ORC5: variants seen among roughly 807,000 people sequenced by gnomAD.
ORC5 encodes protein phosphatase 1, regulatory subunit 117.
ORC5 carries 39 observed loss-of-function variants against 58.8 expected under a neutral mutation model. The observed-to-expected ratio is 0.66, with a 90% CI of 0.51 to 0.87. The LOEUF (loss-of-function observed/expected upper bound fraction) is 0.87, where lower values mean the gene tolerates loss of function less well. ORC5 is among the 40% of genes least tolerant of loss of function. ORC5 has a pLI of 0.00. For missense variants in ORC5, 493 were observed against 506.3 expected (o/e 0.97, Z 0.25); for synonymous variants, 218 against 177.6 (o/e 1.23, Z -1.81).
At chr7:104,140,779 A>T (rs888628858) in intron 12 of ORC5, among the ~76,000 whole-genome samples, 1 of 152,192 alleles carries the variant, frequency 6.6e-6, no homozygotes, top group Non-Finnish European at 1.5e-5. Context: ...CCCCAGGCAA[A>T]TGAGGTAGGG....
At chr7:104,177,384 T>C (rs372794427) in intron 8 of ORC5, among the ~76,000 whole-genome samples, 1 of 152,144 alleles carries the variant, frequency 6.6e-6, no homozygotes, top group Non-Finnish European at 1.5e-5. Context: ...TATAAACATA[T>C]TTATAAAATT....
chr7:104,160,557 T>G (rs909758363), intron 12 of ORC5, among the ~76,000 whole-genome samples: 1 of 151,900 alleles, frequency 6.6e-6, no homozygotes, highest in African/African-American at 2.4e-5. Context: ...TAACTACTTG[T>G]TTTTTTTAAA....
At chr7:104,144,778 A>G (rs889981410) in intron 12 of ORC5, among the ~76,000 whole-genome samples, 9 of 152,212 alleles carry the variant, frequency 5.9e-5, no homozygotes, top group Admixed American at 6.5e-5. Flanking sequence ...AATAATGAAC[A>G]GGATCATAAA....
At chr7:104,167,200 T>C (rs946476202) in intron 9 of ORC5, among the ~76,000 whole-genome samples, 4 of 152,172 alleles carry the variant, frequency 2.6e-5, no homozygotes, top group African/African-American at 4.8e-5. Context: ...GAGAAACTTA[T>C]TTCTACTATG....
chr7:104,142,788 T>C (rs1798693246), intron 12 of ORC5, among the ~76,000 whole-genome samples: 1 of 152,170 alleles, frequency 6.6e-6, no homozygotes, highest in East Asian at 1.9e-4. Context: ...GGCCCTGAGC[T>C]CGTATCTCTT....
At chr7:104,173,313 CCT>C (rs939623987) in intron 8 of ORC5, among the ~76,000 whole-genome samples, 1 of 152,312 alleles carries the variant, frequency 6.6e-6, no homozygotes, top group Admixed American at 6.5e-5. Context: ...AAAACCTTTG[CCT>C]CTCTTTACCT....
chr7:104,157,532 T>C (rs1177827361), intron 12 of ORC5, among the ~76,000 whole-genome samples: 3 of 152,068 alleles, frequency 2.0e-5, no homozygotes, highest in Admixed American at 6.6e-5. Flanking sequence ...CAGACAAAGA[T>C]ACATTTTGGG....
chr7:104,161,561 CA>C lies in ORC5; in HGVS notation c.1039-380del, dbSNP rs1205297398. On this transcript the variant is annotated intron_variant, in intron 11 of 13. Coordinates refer to ENST00000297431, the MANE Select transcript of ORC5 (RefSeq NM_002553.4). The stretch of plus-strand genomic sequence containing the variant: ...ATTTTTACAAATTATTTTGTAAAGA[CA>C]GGGTCTCACTATGTTGCCCAGACTG... 3.9e-5 allele frequency among the ~76,000 whole-genome samples: 6 copies of C among 152,072 alleles called. No individual in the cohort carries two copies. In the East Asian group the frequency reaches 9.7e-4, roughly 24 times the overall value.
intron 12 of ORC5, among the ~76,000 whole-genome samples, chr7:104,144,882 T>A (rs1024286179): frequency 6.6e-6 from 1 of 152,238 alleles, no homozygotes; most frequent in Non-Finnish European, 1.5e-5. Flanking sequence ...TAGTCTGATA[T>A]GGTCAGTGTG....
chr7:104,135,493 A>G (rs921730178), intron 13 of ORC5, among the ~76,000 whole-genome samples: 1 of 152,116 alleles, frequency 6.6e-6, no homozygotes, highest in African/African-American at 2.4e-5. Context: ...GGGTCTCACT[A>G]CGTTGCCCAG....
chr7:104,169,515 T>TA (rs34859463), intron 8 of ORC5, among the ~76,000 whole-genome samples: 12,325 of 151,144 alleles, frequency 0.082, 1,640 homozygotes, highest in African/African-American at 0.28. Context: ...AGTTTACTCA[T>TA]AAAAAAAAAT....
In ORC5 at chr7:104,200,862, C is replaced by T. The variant is rs779272644; in HGVS notation, c.262G>A (p.Asp88Asn). Residue 88 changes from aspartate (D) to asparagine (N), a missense_variant, in exon 3 of 14, where the codon GAT (aspartate) becomes AAT (asparagine). Physicochemically the swap from Asp to Asn is conservative, Grantham distance 23. Transcript: ENST00000297431. Reference protein sequence around the residue: ...NKLNHLSSSEDGCSTEITCET... With the variant: ...NKLNHLSSSENGCSTEITCET... The stretch of plus-strand genomic sequence containing the variant: ...CAGGTTATTTCAGTAGAACATCCAT[C>T]CTCTGAAGAACTAAGATGATTCAAT... 6.2e-7 allele frequency: 1 copy of T among 1,612,896 alleles called. No individual in the cohort carries two copies. The highest frequency in any genetic ancestry group is 1.3e-5 in the African/African-American group (1 of 74,882).
At chr7:104,193,331 C>G (rs2116039858) in intron 5 of ORC5, among the ~76,000 whole-genome samples, 1 of 152,124 alleles carries the variant, frequency 6.6e-6, no homozygotes, top group African/African-American at 2.4e-5. Flanking sequence ...AGGTAGGAAA[C>G]TGTAAGTCAC....
At chr7:104,142,659 T>C (rs974437195) in intron 12 of ORC5, among the ~76,000 whole-genome samples, 57 of 152,238 alleles carry the variant, frequency 3.7e-4, no homozygotes, top group African/African-American at 1.3e-3. Flanking sequence ...AAAGACAAAA[T>C]TGAGATATGT....
chr7:104,157,711 AAG>A (rs1466940145), intron 12 of ORC5, among the ~76,000 whole-genome samples: 2 of 152,094 alleles, frequency 1.3e-5, no homozygotes, highest in African/African-American at 4.8e-5. Flanking sequence ...AAAATTGCTG[AAG>A]AGTTTATTTC....
At chr7:104,173,853 T>TC (rs1213197287) in intron 8 of ORC5, among the ~76,000 whole-genome samples, 2 of 144,420 alleles carry the variant, frequency 1.4e-5, no homozygotes, top group Non-Finnish European at 3.1e-5. Flanking sequence ...TTCTTTTTTT[T>TC]TTTTTTTTTG....
intron 12 of ORC5, among the ~76,000 whole-genome samples, chr7:104,160,544 C>A (rs1451757724): frequency 6.6e-6 from 1 of 151,888 alleles, no homozygotes; most frequent in Non-Finnish European, 1.5e-5. Context: ...AAAAAACAAA[C>A]CTTAACTACT....
At chr7:104,164,083 A>T (rs1012065749) in intron 11 of ORC5, among the ~76,000 whole-genome samples, 1 of 152,046 alleles carries the variant, frequency 6.6e-6, no homozygotes, top group East Asian at 1.9e-4. Context: ...TTGCTATCGA[A>T]TTTTTGTCCT....
At chr7:104,166,579 C>T (rs1224337781) in intron 10 of ORC5, among the ~76,000 whole-genome samples, 193 bp downstream of exon 10, 1 of 152,144 alleles carries the variant, frequency 6.6e-6, no homozygotes, top group African/African-American at 2.4e-5. Context: ...ATCCTCTTTT[C>T]TATGAAACTG....
Sources: allele counts gnomAD v4.1 joint callset (sites outside exome capture counted in the v4.1 genomes callset), GRCh38; gene constraint gnomAD v4.1.1; transcripts MANE v1.5; gene names NCBI Gene and HGNC (gene_info 2026-07-23, HGNC 2026-07-21).